DST: variants seen among roughly 807,000 people sequenced by gnomAD.
DST encodes the protein bullous pemphigoid antigen.
DST carries 253 observed loss-of-function variants against 875.2 expected under a neutral mutation model. The observed-to-expected ratio is 0.29, with a 90% CI of 0.26 to 0.32. The LOEUF is 0.32. Among genes scored for constraint, DST ranks in the 10% least tolerant of loss-of-function variants. The pLI, the probability that DST is intolerant of heterozygous loss-of-function variation, is 1.00. For missense variants in DST, 8,287 were observed against 9,111.6 expected, an observed-to-expected ratio of 0.91 and a Z score of 3.68; for synonymous variants, 3,124 against 3,197.1, an observed-to-expected ratio of 0.98 and a Z score of 0.77.
intron 2 of DST, among the ~76,000 whole-genome samples, chr6:56,944,414 G>C (rs1020499748): frequency 6.6e-6 from 1 of 151,446 alleles, no homozygotes; most frequent in African/African-American, 2.4e-5. Context: ...TCCCTAAGGA[G>C]ATAACTTATG....
At chr6:56,705,751 C>G (rs2099330421) in intron 5 of DST, among the ~76,000 whole-genome samples, 1 of 152,152 alleles carries the variant, frequency 6.6e-6, no homozygotes, top group African/African-American at 2.4e-5. Context: ...AATATAAATA[C>G]TAAGCTTAGG....
Position 56,503,346 on chromosome 6 carries a change from G to A in DST, c.19566+651C>T, listed in dbSNP as rs192938275. 2.0e-5 allele frequency among the ~76,000 whole-genome samples: 3 copies of A among 151,944 alleles called. No homozygotes were observed. The East Asian group carries it at 5.8e-4, about 29-fold the overall frequency. On this transcript the variant is annotated intron_variant, in intron 78 of 103. Coordinates refer to ENST00000680361, the MANE Select transcript of DST (RefSeq NM_001374736.1). ...GGTGATGGGTACCTCCATTTTCCCTGATGTAGTTATTATATATTTCATGCC... is the reference window on the plus strand; with the variant it reads ...GGTGATGGGTACCTCCATTTTCCCTAATGTAGTTATTATATATTTCATGCC...
intron 90 of DST, among the ~76,000 whole-genome samples, chr6:56,478,776 T>TATAG (rs1407415284): frequency 6.6e-6 from 1 of 152,202 alleles, no homozygotes; most frequent in African/African-American, 2.4e-5. Flanking sequence ...ACTCACACTA[T>TATAG]GTGAACAGGG....
At chr6:56,657,025 G>A (rs998497123) in intron 10 of DST, among the ~76,000 whole-genome samples, 23 of 152,088 alleles carry the variant, frequency 1.5e-4, no homozygotes, top group Non-Finnish European at 4.4e-5. Flanking sequence ...CTGGTTATCT[G>A]CATTTTAACA....
At chr6:56,616,360 A>G (rs941444126) in intron 36 of DST, 6 of 1,613,596 alleles carry the variant, frequency 3.7e-6, no homozygotes, top group Non-Finnish European at 5.1e-6. Context: ...GCTGCCCTGA[A>G]AGTTCAAGAT....
intron 4 of DST, among the ~76,000 whole-genome samples, chr6:56,760,901 G>A (rs1356900084): frequency 6.7e-6 from 1 of 148,210 alleles, no homozygotes; most frequent in East Asian, 1.9e-4. Flanking sequence ...GACAACTCAT[G>A]TGGTGGTTTT....
chr6:56,634,985 T>G (rs772510239), intron 24 of DST, 32 bp from the exon 25 acceptor site: 12 of 1,571,682 alleles, frequency 7.6e-6, no homozygotes, highest in Non-Finnish European at 1.0e-5. Context: ...TTTTAAGAAG[T>G]AAAAGACTTG....
intron 9 of DST, among the ~76,000 whole-genome samples, chr6:56,683,566 A>C (rs2099166760): frequency 6.6e-6 from 1 of 152,170 alleles, no homozygotes; most frequent in Non-Finnish European, 1.5e-5. Context: ...CCCATGCTCA[A>C]CGTGACATGG....
At chr6:56,498,178 T>A in intron 80 of DST, 125 bp from the exon 81 acceptor site, 1 of 945,520 alleles carries the variant, frequency 1.1e-6, no homozygotes, top group Non-Finnish European at 1.6e-6. Context: ...TGTAGAATTT[T>A]AATTTTTTTT....
intron 2 of DST, among the ~76,000 whole-genome samples, chr6:56,912,180 T>C (rs918728481): frequency 6.6e-6 from 1 of 152,152 alleles, no homozygotes; most frequent in Non-Finnish European, 1.5e-5. Context: ...TTCTGCTCAT[T>C]CCATCATTAG....
intron 3 of DST, among the ~76,000 whole-genome samples, chr6:56,886,324 C>T (rs1422052797): frequency 6.6e-6 from 1 of 152,166 alleles, no homozygotes; most frequent in Non-Finnish European, 1.5e-5. Flanking sequence ...TGAACTTAAG[C>T]CAATCACCTA....
chr6:56,909,473 A>G (rs1301561683), intron 2 of DST, among the ~76,000 whole-genome samples: 1 of 152,224 alleles, frequency 6.6e-6, no homozygotes, highest in Non-Finnish European at 1.5e-5. Flanking sequence ...CAAGTCCCTG[A>G]ATAACTACAT....
chr6:56,512,667 C>T (rs1324784344), intron 72 of DST, among the ~76,000 whole-genome samples: 1 of 152,102 alleles, frequency 6.6e-6, no homozygotes, highest in African/African-American at 2.4e-5. Flanking sequence ...GGCCACATAC[C>T]TAGATTTTTA....
intron 4 of DST, among the ~76,000 whole-genome samples, chr6:56,785,499 G>A (rs1041283611): frequency 5.3e-5 from 8 of 151,890 alleles, no homozygotes; most frequent in South Asian, 2.1e-4. Context: ...CTCGGTGGGC[G>A]TAGGACCCTC....
intron 5 of DST, among the ~76,000 whole-genome samples, chr6:56,706,316 A>G (rs2099336422): frequency 6.7e-6 from 1 of 149,754 alleles, no homozygotes; most frequent in Non-Finnish European, 1.5e-5. Flanking sequence ...TCCGTCTCAA[A>G]AAAAAAAAAG....
intron 9 of DST, among the ~76,000 whole-genome samples, chr6:56,689,173 G>T (rs1254992735): frequency 6.6e-6 from 1 of 152,084 alleles, no homozygotes; most frequent in Non-Finnish European, 1.5e-5. Flanking sequence ...TGTAGTTGGG[G>T]AGTGCTTGGA....
intron 7 of DST, 145 bp from the exon 8 acceptor site, chr6:56,702,110 A>G: frequency 1.9e-6 from 1 of 537,628 alleles, no homozygotes; most frequent in Non-Finnish European, 3.3e-6. Flanking sequence ...GAAGGTTTCA[A>G]TTTCTTTATA....
intron 4 of DST, among the ~76,000 whole-genome samples, chr6:56,801,836 A>G (rs1002509937): frequency 1.4e-4 from 19 of 139,976 alleles, no homozygotes; most frequent in African/African-American, 5.2e-4. Flanking sequence ...TGCAACCTCC[A>G]CCTCCCGGGT....
intron 4 of DST, among the ~76,000 whole-genome samples, chr6:56,779,246 G>A (rs2099686679): frequency 6.6e-6 from 1 of 151,952 alleles, no homozygotes; most frequent in Non-Finnish European, 1.5e-5. Flanking sequence ...TTTTTTTCCT[G>A]TAAATTTGCT....
Sources: allele counts gnomAD v4.1 joint callset (sites outside exome capture counted in the v4.1 genomes callset), GRCh38; gene constraint gnomAD v4.1.1; transcripts MANE v1.5; gene names NCBI Gene and HGNC (gene_info 2026-07-23, HGNC 2026-07-21).